The following ALKBH4 variants were observed in gnomAD, a reference collection of about 807,000 sequenced individuals.
ALKBH4 encodes the protein alkB homolog 4, lysine demethylase.
Under a neutral mutation model 12.1 loss-of-function variants are expected in ALKBH4, and 8 were observed. The ratio of observed to expected loss-of-function variants is 0.66; its 90% CI spans 0.39 to 1.19. The LOEUF is 1.19. ALKBH4 is among the 50% of genes most tolerant of loss of function. The pLI is 0.01. For synonymous variants in ALKBH4, 195 were observed against 191.6 expected (o/e 1.02, Z -0.15); for missense variants, 403 against 430.4 (o/e 0.94, Z 0.56).
In ALKBH4 at chr7:102,458,187, G is replaced by A. The variant is rs139880971; in HGVS notation, c.322-206C>T. On this transcript the variant is annotated intron_variant, in intron 2 of 2. Coordinates refer to ENST00000292566, the MANE Select transcript of ALKBH4 (RefSeq NM_017621.4). ...GGTGGTGCATGCCTGTAATCCCAGC[G>A]CTTTGGAAGGCTGAGGCGGAGGGAG... is the stretch of plus-strand genomic sequence containing the variant. 4.9e-4 allele frequency among the ~76,000 whole-genome samples: 75 copies of A among 152,142 alleles called. 1 individual carries two copies. The highest frequency in any genetic ancestry group is 6.5e-4 in the Non-Finnish European group (44 of 67,996).
In ALKBH4 at chr7:102,457,004, G is replaced by C. The variant is rs2133249015; in HGVS notation, c.*390C>G. ...TCACCACACCCGGCTAATTTTTGTA[G>C]TTTTTGTAGAGACGGGTTTTCACCG... On this transcript the variant is annotated 3_prime_UTR_variant, in exon 3 of 3. Transcript: ENST00000292566. The surrounding 1 kb of genome is among the most constrained non-coding windows in gnomAD (Gnocchi z 5.9). The C allele has an allele frequency of 6.2e-6, 1 of 160,202 alleles. No individual in the cohort carries two copies. The highest frequency in any genetic ancestry group is 1.8e-4 in the East Asian group (1 of 5,524). The allele number at this position is 160,202 out of a possible 1,614,324, so 9.9% of individuals were successfully genotyped here.
At chr7:102,463,222 A>C (rs1469678136) in intron 1 of ALKBH4, among the ~76,000 whole-genome samples, 1 of 151,204 alleles carries the variant, frequency 6.6e-6, no homozygotes, top group Non-Finnish European at 1.5e-5. Context: ...AAGTGCTGGA[A>C]TTACAGGTGT....
chr7:102,459,485 G>C (rs1359031792), intron 2 of ALKBH4, 119 bp downstream of exon 2: 1 of 1,284,826 alleles, frequency 7.8e-7, no homozygotes, highest in Non-Finnish European at 1.1e-6. Flanking sequence ...TGGGGAACTC[G>C]CCCACTACCA....
At chr7:102,458,064 A>C in intron 2 of ALKBH4, 83 bp from the exon 3 acceptor site, 1 of 1,382,516 alleles carries the variant, frequency 7.2e-7, no homozygotes, top group Non-Finnish European at 9.7e-7. Flanking sequence ...GAATTCAGTC[A>C]TAGTGACCCA....
chr7:102,460,822 G>T (rs4487686), intron 1 of ALKBH4, among the ~76,000 whole-genome samples: 80,362 of 151,948 alleles, frequency 0.53, 22,415 homozygotes, highest in Middle Eastern at 0.65. Flanking sequence ...ACCTAGGAGG[G>T]CAGCCAACTT....
At chr7:102,461,114 A>G (rs1351120021) in intron 1 of ALKBH4, among the ~76,000 whole-genome samples, 2 of 152,096 alleles carry the variant, frequency 1.3e-5, no homozygotes, top group Non-Finnish European at 2.9e-5. Flanking sequence ...AGGTGGACTG[A>G]TCACCTGGGG....
Position 102,457,821 on chromosome 7 carries a change from T to G in ALKBH4, c.482A>C (p.Glu161Ala). Reference sequence around the variant, plus strand: ...GTGGGGGTCAATGGCAGAGCCCCGCTCGGGGCAGTAGTCCAGGTTGCACTG... The same window carrying G: ...GTGGGGGTCAATGGCAGAGCCCCGCGCGGGGCAGTAGTCCAGGTTGCACTG... ...VEQCNLDYCPERGSAIDPHLD... is the reference protein window; with the variant it reads ...VEQCNLDYCPARGSAIDPHLD... Residue 161 changes from glutamate to alanine, a missense_variant, in exon 3 of 3, where the codon GAG (glutamate) becomes GCG (alanine). Physicochemically the swap from Glu to Ala is moderately radical, Grantham distance 107. Coordinates refer to ENST00000292566, the MANE Select transcript of ALKBH4 (RefSeq NM_017621.4). This position sits in a 1 kb window ranked among gnomAD's most constrained non-coding sequence, Gnocchi z 5.9. 4.3e-6 allele frequency: 7 copies of G among 1,609,774 alleles called. No homozygotes were observed. The highest frequency in any genetic ancestry group is 5.9e-6 in the Non-Finnish European group (7 of 1,179,674).
At chr7:102,461,345 T>C (rs1797789246) in intron 1 of ALKBH4, among the ~76,000 whole-genome samples, 1 of 127,530 alleles carries the variant, frequency 7.8e-6, no homozygotes, top group Non-Finnish European at 1.8e-5. Context: ...TTGAAAATAA[T>C]AATAATACTT....
At position 102,464,810 on chromosome 7, in the gene ALKBH4, G is replaced by A. The variant is rs1197316901; in HGVS notation, c.27C>T (p.Pro9=). The A allele has an allele frequency of 1.7e-5, 27 of 1,547,782 alleles. No homozygotes were observed. The highest frequency in any genetic ancestry group is 2.3e-5 in the Non-Finnish European group (27 of 1,152,724). ...TGCAACCGCATTCCCGAAGGACTTC[G>A]GGGGTCTCGGCGGCAGCCGCCGCCA... MAAAAAET[P]EVLRECGCKG... Residue 9 remains proline, a synonymous_variant, in exon 1 of 3, where the codon CCC becomes CCT. Transcript: ENST00000292566.
Position 102,456,922 on chromosome 7 carries a change from AG to A in ALKBH4, c.*471del, listed in dbSNP as rs1797666910. On this transcript the variant is annotated 3_prime_UTR_variant, in exon 3 of 3. Transcript: ENST00000292566. ...TGGCTCACTGCAACCTCCGCCTCCC[AG>A]GTTCAAGCAATTCTCCCACCTTAGC... 1 of 152,306 alleles carries A rather than the reference AG, an allele frequency of 6.6e-6. No individual in the cohort carries two copies. Among genetic ancestry groups the A allele is most frequent in the Admixed American group, 6.6e-5 (1 of 15,168 alleles). The allele number at this position is 152,306 out of a possible 1,614,324, so 9.4% of individuals were successfully genotyped here. A position where few individuals can be genotyped will look rare whatever the true frequency, so the allele number is the denominator to read the frequency against.
chr7:102,458,015 C>CT (rs777136435), intron 2 of ALKBH4, 34 bp from the exon 3 acceptor site: 9 of 1,551,282 alleles, frequency 5.8e-6, no homozygotes, highest in South Asian at 4.8e-5. Flanking sequence ...CATGAGGTGT[C>CT]TGAGTTTACG....
chr7:102,462,143 G>C (rs77848122), intron 1 of ALKBH4, among the ~76,000 whole-genome samples: 10,019 of 152,222 alleles, frequency 0.066, 373 homozygotes, highest in Non-Finnish European at 0.075. Flanking sequence ...GCCATGGAGC[G>C]CTCTTGAAGG....
rs774224155 is a variant in ALKBH4 at position 102,459,842 on chromosome 7, G to A, written c.124-41C>T. On this transcript the variant is annotated intron_variant, in intron 1 of 2. Coordinates refer to ENST00000292566, the MANE Select transcript of ALKBH4 (RefSeq NM_017621.4). ...AAGTCCACAGGCTGGGCAACACAGC[G>A]AGACCCGGTCCCTACGAAAAGTTAA... 22 of 1,539,912 alleles carry A rather than the reference G, an allele frequency of 1.4e-5. No homozygotes were observed. In the African/African-American group the frequency reaches 1.8e-4, roughly 12 times the overall value.
rs1398454057 is a variant in ALKBH4 at position 102,457,649 on chromosome 7, C to G, written c.654G>C (p.Val218=). The change falls in exon 3 of 3, where the codon GTG becomes GTC. Residue 218 remains valine (V), a synonymous_variant. Coordinates refer to ENST00000292566, the MANE Select transcript of ALKBH4 (RefSeq NM_017621.4). The surrounding 1 kb of genome is among the most constrained non-coding windows in gnomAD (Gnocchi z 5.9). ...ATAGCACCGACCGGCTGGGTGCTAT[C>G]ACGCTGTCCACCAAGGCCTCCGGGG... is the stretch of plus-strand genomic sequence containing the variant. ...SAAPEALVDS[V]IAPSRSVLCQ... The G allele has an allele frequency of 1.3e-6, 2 of 1,572,470 alleles. No individual in the cohort carries two copies. The highest frequency in any genetic ancestry group is 1.3e-5 in the African/African-American group (1 of 74,240).
At chr7:102,459,968 A>G (rs1797756470) in intron 1 of ALKBH4, among the ~76,000 whole-genome samples, 167 bp from the exon 2 acceptor site, 1 of 152,142 alleles carries the variant, frequency 6.6e-6, no homozygotes, top group South Asian at 2.1e-4. Context: ...AGCCTGGCCA[A>G]CATGGTGAAA....
At chr7:102,459,156 A>AC (rs1797730999) in intron 2 of ALKBH4, among the ~76,000 whole-genome samples, 1 of 151,634 alleles carries the variant, frequency 6.6e-6, no homozygotes, top group Admixed American at 6.6e-5. Flanking sequence ...AAAAAAAAAA[A>AC]AAAAAAAAAC....
chr7:102,457,551 T>A lies in ALKBH4; in HGVS notation c.752A>T (p.Gln251Leu). Residue 251 changes from glutamine to leucine, a missense_variant, in exon 3 of 3, where the codon CAG becomes CTG. Gln to Leu is a moderately radical substitution (Grantham distance 113). Coordinates refer to ENST00000292566, the MANE Select transcript of ALKBH4 (RefSeq NM_017621.4). The surrounding 1 kb of genome is among the most constrained non-coding windows in gnomAD (Gnocchi z 5.9). ...LLVLTGAARH[Q>L]WKHAIHRRHI... The stretch of plus-strand genomic sequence containing the variant: ...TCTGCGGTGGATGGCATGCTTCCAC[T>A]GGTGCCGTGCCGCCCCGGTGAGGAC... 4 of 1,611,754 alleles carry A rather than the reference T, an allele frequency of 2.5e-6. No individual in the cohort carries two copies. The highest frequency in any genetic ancestry group is 3.4e-6 in the Non-Finnish European group (4 of 1,179,872).
Position 102,464,739 on chromosome 7 carries a change from T to G in ALKBH4, c.98A>C (p.Asp33Ala), listed in dbSNP as rs1586734522. Residue 33 changes from aspartate to alanine, a missense_variant, in exon 1 of 3, where the codon GAC becomes GCC. By Grantham distance (126) the Asp-to-Ala change is moderately radical (BLOSUM62 -2). Transcript: ENST00000292566. ...CGCTGGGGGCAGCTCCCAGGGCGGG[T>G]CACTGCCGCGCTGCCGCTCGCAGAT... Reference protein sequence around the residue: ...CLICERQRGSDPPWELPPAKT... With the variant: ...CLICERQRGSAPPWELPPAKT... 1 of 1,564,460 alleles carries G rather than the reference T, an allele frequency of 6.4e-7. No homozygotes were observed. Among genetic ancestry groups the G allele is most frequent in the Non-Finnish European group, 8.6e-7 (1 of 1,158,358 alleles).
chr7:102,464,082 G>C (rs1274399628), intron 1 of ALKBH4, among the ~76,000 whole-genome samples: 1 of 151,912 alleles, frequency 6.6e-6, no homozygotes, highest in Admixed American at 6.6e-5. Flanking sequence ...CTCACCTGAG[G>C]CATCACCAAT....
Sources: gnomAD v4.1 joint callset for allele counts (sites outside exome capture counted in the v4.1 genomes callset) on GRCh38, gnomAD v4.1.1 for gene constraint, Gnocchi (gnomAD v3.1) non-coding constraint, MANE v1.5 for transcripts, NCBI Gene and HGNC (gene_info 2026-07-23, HGNC 2026-07-21) for gene names.